ULK4: variants seen among roughly 807,000 people sequenced by gnomAD.
ULK4 encodes unc-51 like kinase 4, also known as inactive serine/threonine-protein kinase ULK4.
In ULK4, 133 loss-of-function variants were observed where a neutral mutation model predicts 160.6. The observed-to-expected ratio is 0.83, with a 90% CI of 0.72 to 0.96. The LOEUF (loss-of-function observed/expected upper bound fraction) is 0.96. Among genes scored for constraint, ULK4 ranks in the 40% least tolerant of loss-of-function variants. The pLI, the probability that ULK4 is intolerant of heterozygous loss-of-function variation, is 0.00. For missense variants in ULK4, 1,580 were observed against 1,499.5 expected (o/e 1.05, Z -0.89); for synonymous variants, 534 against 539.8 (o/e 0.99, Z 0.15).
At chr3:41,555,957 A>G (rs1327743838) in intron 32 of ULK4, among the ~76,000 whole-genome samples, 2 of 152,222 alleles carry the variant, frequency 1.3e-5, no homozygotes, top group African/African-American at 2.4e-5. Context: ...ATTCTCACTT[A>G]TAAGTAGGAG....
chr3:41,653,257 C>G (rs988197720), intron 30 of ULK4, among the ~76,000 whole-genome samples: 25 of 152,308 alleles, frequency 1.6e-4, no homozygotes, highest in African/African-American at 5.8e-4. Flanking sequence ...ACAGCCCTTA[C>G]ACTCCAGAGC....
chr3:41,885,522 C>A (rs1271269455), intron 16 of ULK4, among the ~76,000 whole-genome samples: 1 of 152,128 alleles, frequency 6.6e-6, no homozygotes, highest in Non-Finnish European at 1.5e-5. Context: ...TCAGAACCAA[C>A]CCATCTTTCA....
intron 20 of ULK4, among the ~76,000 whole-genome samples, chr3:41,797,491 T>C (rs1481235550): frequency 1.3e-5 from 2 of 152,104 alleles, no homozygotes; most frequent in Admixed American, 1.3e-4. Context: ...CTCTGCACTC[T>C]AAAAATTGTA....
At chr3:41,825,704 G>C (rs924276605) in intron 18 of ULK4, among the ~76,000 whole-genome samples, 1 of 152,220 alleles carries the variant, frequency 6.6e-6, no homozygotes, top group African/African-American at 2.4e-5. Context: ...GAAAGTGACA[G>C]GGAGAATGGA....
At chr3:41,726,297 T>G (rs1196603739) in intron 22 of ULK4, among the ~76,000 whole-genome samples, 1 of 152,154 alleles carries the variant, frequency 6.6e-6, no homozygotes, top group African/African-American at 2.4e-5. Context: ...TAAAACTAAC[T>G]CTAGAATGAT....
chr3:41,784,483 GT>G (rs1415069128), intron 21 of ULK4, among the ~76,000 whole-genome samples: 1 of 152,118 alleles, frequency 6.6e-6, no homozygotes, highest in Non-Finnish European at 1.5e-5. Context: ...GAAAAAGGTG[GT>G]TTTTTACTTT....
chr3:41,780,823 C>G (rs1002189608), intron 21 of ULK4, among the ~76,000 whole-genome samples: 1 of 152,152 alleles, frequency 6.6e-6, no homozygotes, highest in African/African-American at 2.4e-5. Context: ...GCCATTTTAA[C>G]CACAAGCAGT....
At chr3:41,295,125 G>C (rs1264258153) in intron 35 of ULK4, among the ~76,000 whole-genome samples, 1 of 152,206 alleles carries the variant, frequency 6.6e-6, no homozygotes. Context: ...ATAGAATAGA[G>C]AGCCCAGAAA....
At chr3:41,732,720 C>T (rs193137940) in intron 22 of ULK4, among the ~76,000 whole-genome samples, 9 of 152,156 alleles carry the variant, frequency 5.9e-5, no homozygotes, top group African/African-American at 1.7e-4. Context: ...AATCAACCTA[C>T]GTGTCCATCA....
At chr3:41,770,813 A>T (rs1233364799) in intron 21 of ULK4, among the ~76,000 whole-genome samples, 1 of 152,226 alleles carries the variant, frequency 6.6e-6, no homozygotes, top group Non-Finnish European at 1.5e-5. Context: ...ATGCCCAGCC[A>T]GAATGATACT....
chr3:41,581,220 G>C (rs1290718106), intron 31 of ULK4, among the ~76,000 whole-genome samples: 8 of 152,102 alleles, frequency 5.3e-5, no homozygotes, highest in Non-Finnish European at 1.5e-5. Context: ...TTACCATAAA[G>C]TCCAACTTCA....
chr3:41,386,628 T>G (rs976274819), intron 35 of ULK4, among the ~76,000 whole-genome samples: 4 of 152,150 alleles, frequency 2.6e-5, no homozygotes, highest in Non-Finnish European at 5.9e-5. Context: ...GAGCCAAACT[T>G]AGTTCACATT....
chr3:41,343,290 A>G (rs1240471101), intron 35 of ULK4, among the ~76,000 whole-genome samples: 1 of 147,580 alleles, frequency 6.8e-6, no homozygotes, highest in Non-Finnish European at 1.5e-5. Flanking sequence ...GTCTCAGCCC[A>G]AAAACTTTTT....
At chr3:41,442,140 G>A (rs7642673) in intron 34 of ULK4, among the ~76,000 whole-genome samples, 30,277 of 152,102 alleles carry the variant, frequency 0.2, 3,491 homozygotes, top group East Asian at 0.55. Context: ...TGGAAAAAAG[G>A]CCCCAAAGTG....
chr3:41,361,693 A>T (rs1185958291), intron 35 of ULK4, among the ~76,000 whole-genome samples: 2 of 152,144 alleles, frequency 1.3e-5, no homozygotes, highest in South Asian at 2.1e-4. Context: ...AGTCTTTATT[A>T]TTTTGTTTTC....
intron 31 of ULK4, among the ~76,000 whole-genome samples, chr3:41,601,994 T>C (rs982908138): frequency 6.6e-6 from 1 of 151,958 alleles, no homozygotes; most frequent in East Asian, 1.9e-4. Context: ...AGGAGTTCAA[T>C]ACCAGGCTGG....
chr3:41,894,103 A>G (rs569997468), intron 16 of ULK4, among the ~76,000 whole-genome samples: 3 of 152,356 alleles, frequency 2.0e-5, no homozygotes, highest in African/African-American at 7.2e-5. Flanking sequence ...CCAAGGGGAT[A>G]CTAAAACCAA....
intron 30 of ULK4, among the ~76,000 whole-genome samples, chr3:41,616,808 G>T (rs1210516055): frequency 6.6e-6 from 1 of 152,148 alleles, no homozygotes; most frequent in Non-Finnish European, 1.5e-5. Flanking sequence ...CAGGGAAGGG[G>T]GCTGAAGCCA....
chr3:41,799,822 C>T (rs1484313052), intron 20 of ULK4, among the ~76,000 whole-genome samples: 1 of 152,102 alleles, frequency 6.6e-6, no homozygotes, highest in East Asian at 1.9e-4. Context: ...AAGATCACAC[C>T]ACTGCACTCC....
Sources: allele counts gnomAD v4.1 joint callset (sites outside exome capture counted in the v4.1 genomes callset), GRCh38; gene constraint gnomAD v4.1.1; transcripts MANE v1.5; gene names NCBI Gene and HGNC (gene_info 2026-07-23, HGNC 2026-07-21).